Variants in PCP4 observed in about 807,000 individuals in gnomAD.
PCP4 encodes the protein Purkinje cell protein 4.
Under a neutral mutation model 10.0 loss-of-function variants are expected in PCP4, and 8 were observed. That is an observed-to-expected ratio of 0.80 (90% CI 0.47 to 1.45). PCP4 has a LOEUF of 1.45. Among genes scored for constraint, PCP4 ranks in the 40% most tolerant of loss-of-function variants. The pLI is 0.00. For missense variants in PCP4, 54 were observed against 74.4 expected, an observed-to-expected ratio of 0.73 and a Z score of 1.01; for synonymous variants, 21 against 23.0, an observed-to-expected ratio of 0.91 and a Z score of 0.24.
chr21:39,903,803 G>A (rs1036921684), intron 2 of PCP4, among the ~76,000 whole-genome samples: 11 of 146,780 alleles, frequency 7.5e-5, no homozygotes, highest in Admixed American at 7.1e-4. Context: ...GGGAGGCGGA[G>A]CTTGCAGTGA....
At chr21:39,880,714 C>T (rs1471633190) in intron 1 of PCP4, among the ~76,000 whole-genome samples, 2 of 152,158 alleles carry the variant, frequency 1.3e-5, no homozygotes, top group African/African-American at 4.8e-5. Context: ...ACGTACTAGG[C>T]TTTTCAGTTA....
At chr21:39,872,804 G>C (rs926133039) in intron 1 of PCP4, among the ~76,000 whole-genome samples, 2 of 152,158 alleles carry the variant, frequency 1.3e-5, no homozygotes, top group Non-Finnish European at 2.9e-5. Context: ...TAAATGTTGA[G>C]GCTTGTGGTT....
intron 1 of PCP4, among the ~76,000 whole-genome samples, chr21:39,888,140 A>G (rs2087409819): frequency 6.6e-6 from 1 of 152,234 alleles, no homozygotes; most frequent in African/African-American, 2.4e-5. Flanking sequence ...CTGTGGAGAA[A>G]AATAACTTAC....
chr21:39,868,294 G>A (rs559282934), intron 1 of PCP4, among the ~76,000 whole-genome samples: 1 of 152,178 alleles, frequency 6.6e-6, no homozygotes, highest in South Asian at 2.1e-4. Context: ...TTTCCTCTTG[G>A]TTGGCACTTA....
At chr21:39,877,402 C>G (rs2087351253) in intron 1 of PCP4, among the ~76,000 whole-genome samples, 1 of 151,870 alleles carries the variant, frequency 6.6e-6, no homozygotes, top group Non-Finnish European at 1.5e-5. Context: ...TCATTAAGAC[C>G]CTTGTTGGGC....
intron 1 of PCP4, among the ~76,000 whole-genome samples, chr21:39,881,164 C>T (rs1357065695): frequency 6.6e-6 from 1 of 152,098 alleles, no homozygotes. Context: ...TCCTTTTCTT[C>T]CAAAAGTATA....
chr21:39,919,587 A>G (rs1218884482), intron 2 of PCP4, among the ~76,000 whole-genome samples: 4 of 152,132 alleles, frequency 2.6e-5, no homozygotes, highest in African/African-American at 9.7e-5. Context: ...TATCAAATCA[A>G]TCTTAAAATA....
intron 1 of PCP4, among the ~76,000 whole-genome samples, chr21:39,888,352 T>C (rs2087411260): frequency 6.6e-6 from 1 of 152,244 alleles, no homozygotes; most frequent in Admixed American, 6.5e-5. Context: ...AAATACTTCC[T>C]TTCTTTTCAT....
At chr21:39,900,781 C>G (rs76499842) in intron 2 of PCP4, among the ~76,000 whole-genome samples, 1 of 152,004 alleles carries the variant, frequency 6.6e-6, no homozygotes, top group Admixed American at 6.6e-5. Context: ...GCTCGGAACT[C>G]GACTCCAAGC....
intron 2 of PCP4, among the ~76,000 whole-genome samples, chr21:39,899,096 C>G (rs1383672506): frequency 6.6e-6 from 1 of 152,122 alleles, no homozygotes; most frequent in African/African-American, 2.4e-5. Flanking sequence ...TAGGAATGAT[C>G]ATCATATTTT....
chr21:39,895,081 A>T (rs1007693908), intron 1 of PCP4, among the ~76,000 whole-genome samples: 1 of 151,814 alleles, frequency 6.6e-6, no homozygotes, highest in Non-Finnish European at 1.5e-5. Context: ...CCATTCATCC[A>T]TCCACCCACC....
At chr21:39,896,112 A>G (rs1162688087) in intron 1 of PCP4, among the ~76,000 whole-genome samples, 1 of 152,108 alleles carries the variant, frequency 6.6e-6, no homozygotes, top group African/African-American at 2.4e-5. Flanking sequence ...TGCACATTTC[A>G]TTTTGGTTTT....
intron 2 of PCP4, among the ~76,000 whole-genome samples, chr21:39,901,561 T>G (rs1202767771): frequency 4.6e-5 from 7 of 152,374 alleles, no homozygotes; most frequent in African/African-American, 1.7e-4. Flanking sequence ...ATGGAATTTC[T>G]TTTAGCTGAA....
intron 1 of PCP4, among the ~76,000 whole-genome samples, chr21:39,891,386 G>C (rs549290681): frequency 2.5e-3 from 378 of 152,306 alleles, no homozygotes; most frequent in African/African-American, 8.9e-3. Flanking sequence ...CATCAACCCA[G>C]GCAGATGCAA....
intron 2 of PCP4, among the ~76,000 whole-genome samples, chr21:39,915,195 C>G (rs969147437): frequency 4.6e-5 from 7 of 150,834 alleles, no homozygotes; most frequent in Non-Finnish European, 1.0e-4. Context: ...GGGAATGTTG[C>G]CAAAGGTTAC....
rs1011649666 is a variant in PCP4, at chr21:39,869,396, G to A, written c.9+1886G>A. Reference sequence around the variant, plus strand: ...TAATCAGGGCAGCTCTGTAGTCACCGCCCCGCCATGGCGCTTATCAGACAC... The same window carrying A: ...TAATCAGGGCAGCTCTGTAGTCACCACCCCGCCATGGCGCTTATCAGACAC... On this transcript the variant is annotated intron_variant, in intron 1 of 2. Coordinates refer to ENST00000328619, the MANE Select transcript of PCP4 (RefSeq NM_006198.3). Among the ~76,000 whole-genome samples, 15 of 152,298 alleles carry A rather than the reference G, an allele frequency of 9.8e-5. 1 individual carries two copies. Among genetic ancestry groups the A allele is most frequent in the East Asian group, 5.8e-4 (3 of 5,180 alleles).
intron 2 of PCP4, among the ~76,000 whole-genome samples, chr21:39,904,351 T>G (rs1458977634): frequency 6.6e-6 from 1 of 152,218 alleles, no homozygotes; most frequent in East Asian, 1.9e-4. Flanking sequence ...TAGGCAGATT[T>G]TGCTTAGGAT....
intron 1 of PCP4, among the ~76,000 whole-genome samples, chr21:39,892,849 T>G (rs1006497151): frequency 6.6e-6 from 1 of 152,136 alleles, no homozygotes; most frequent in African/African-American, 2.4e-5. Context: ...CCTCCCCTAT[T>G]CAGCCGTAAA....
intron 2 of PCP4, among the ~76,000 whole-genome samples, chr21:39,914,486 C>T (rs2087558283): frequency 6.9e-6 from 1 of 145,432 alleles, no homozygotes; most frequent in Non-Finnish European, 1.5e-5. Context: ...GAGGCTGAGG[C>T]AGGAGAATCT....
Sources: allele counts gnomAD v4.1 joint callset (sites outside exome capture counted in the v4.1 genomes callset), GRCh38; gene constraint gnomAD v4.1.1; transcripts MANE v1.5; gene names NCBI Gene and HGNC (gene_info 2026-07-23, HGNC 2026-07-21).